The following GALNT11 variants were observed in gnomAD, a reference collection of about 807,000 sequenced individuals.
GALNT11 encodes the protein UDP-GalNAc:polypeptide N-acetylgalactosaminyltransferase 11.
In GALNT11, 47 loss-of-function variants were observed where a neutral mutation model predicts 72.7. The ratio of observed to expected loss-of-function variants is 0.65; its 90% CI spans 0.51 to 0.82. The LOEUF (loss-of-function observed/expected upper bound fraction) is 0.82, where lower values mean the gene tolerates loss of function less well. GALNT11 is among the 40% of genes least tolerant of loss of function. The pLI, the probability that GALNT11 is intolerant of heterozygous loss-of-function variation, is 0.00. For missense variants in GALNT11, 677 were observed against 778.4 expected (o/e 0.87, Z 1.55); for synonymous variants, 270 against 286.6 (o/e 0.94, Z 0.58).
At chr7:152,100,480 C>T (rs2086786654) in intron 2 of GALNT11, among the ~76,000 whole-genome samples, 1 of 151,638 alleles carries the variant, frequency 6.6e-6, no homozygotes, top group African/African-American at 2.4e-5. Context: ...GCAGGAGAAT[C>T]GCTTGAACCA....
chr7:152,094,491 A>G lies in GALNT11; in HGVS notation c.264A>G (p.Glu88=), dbSNP rs139026724. The G allele has an allele frequency of 2.1e-4, 332 of 1,612,208 alleles. 2 individuals are homozygous for G. The South Asian group carries it at 2.7e-3, about 13-fold the overall frequency. Residue 88 remains glutamate, a synonymous_variant, in exon 2 of 12, where the codon GAA becomes GAG. Transcript: ENST00000430044. This position sits in a 1 kb window ranked among gnomAD's most constrained non-coding sequence, Gnocchi z 4.3. ...TAGACAGTCGTGTTGAAGATCCAGA[A>G]GAAGGCCACTTGAAATTCTCTTCTG... ...DVIDSRVEDP[E]EGHLKFSSEL... is the part of the protein sequence containing the mutation.
rs6150397 is a variant in GALNT11 at position 152,113,712 on chromosome 7, C to CTTTTTTTTT, written c.1233+348_1233+356dup. Among the ~76,000 whole-genome samples the CTTTTTTTTT allele has an allele frequency of 1.1e-3, 111 of 96,984 alleles. 9 individuals carry two copies. The highest frequency in any genetic ancestry group is 1.7e-3 in the African/African-American group (36 of 21,780). The allele number at this position is 96,984 out of a possible 152,430, so 63.6% of individuals were successfully genotyped here. On this transcript the variant is annotated intron_variant, in intron 8 of 11. Coordinates refer to ENST00000430044, the MANE Select transcript of GALNT11 (RefSeq NM_022087.4). ...TGTGACGCCTGCAAAAGTTGGCTTT[C>CTTTTTTTTT]TTTTTTTTTTTTTTTTTTTTTTTTT...
intron 1 of GALNT11, among the ~76,000 whole-genome samples, chr7:152,055,559 G>A (rs71541733): frequency 3.3e-5 from 4 of 122,706 alleles, no homozygotes; most frequent in Non-Finnish European, 6.4e-5. Context: ...GTGTGTGTGT[G>A]TGTGTGTGTA....
intron 4 of GALNT11, chr7:152,104,104 G>A (rs764989552): frequency 3.3e-5 from 5 of 152,224 alleles, no homozygotes; most frequent in Non-Finnish European, 5.9e-5. Context: ...AGGATAGAAG[G>A]CTTTTTATTA....
intron 1 of GALNT11, among the ~76,000 whole-genome samples, chr7:152,029,077 C>G (rs564715725): frequency 1.3e-5 from 2 of 152,242 alleles, no homozygotes; most frequent in Admixed American, 1.3e-4. Flanking sequence ...GAAGCCTTTT[C>G]CTATAAATGT....
intron 1 of GALNT11, among the ~76,000 whole-genome samples, chr7:152,037,909 C>T (rs1401264108): frequency 6.6e-6 from 1 of 152,028 alleles, no homozygotes. Context: ...GCTGGGATTA[C>T]AGTTGCCCAC....
intron 1 of GALNT11, among the ~76,000 whole-genome samples, chr7:152,044,995 G>T (rs1007583774): frequency 1.3e-5 from 2 of 152,050 alleles, no homozygotes; most frequent in African/African-American, 4.8e-5. Context: ...TATCATGAAA[G>T]GATGTTTAAT....
Position 152,100,855 on chromosome 7 carries a change from C to T in GALNT11, c.353C>T (p.Ala118Val). 6.2e-7 allele frequency: 1 copy of T among 1,614,056 alleles called. No homozygotes were observed. Among genetic ancestry groups the T allele is most frequent in the Non-Finnish European group, 8.5e-7 (1 of 1,179,984 alleles). Residue 118 changes from alanine to valine, a missense_variant, in exon 3 of 12, where the codon GCT becomes GTT. Physicochemically the swap from Ala to Val is moderately conservative, Grantham distance 64. Transcript: ENST00000430044. ...AGAGACTTGGGCTATCAGAAACATGCTTTTAATATGCTTATCAGTGACCGC... is the reference window on the plus strand; with the variant it reads ...AGAGACTTGGGCTATCAGAAACATGTTTTTAATATGCTTATCAGTGACCGC... ...ELRDLGYQKHAFNMLISDRLG... is the reference protein window; with the variant it reads ...ELRDLGYQKHVFNMLISDRLG...
chr7:152,101,673 G>T (rs939115047), intron 3 of GALNT11, among the ~76,000 whole-genome samples: 2 of 147,270 alleles, frequency 1.4e-5, no homozygotes, highest in African/African-American at 5.1e-5. Context: ...TTTCTCTGTT[G>T]CCCAGGCTGG....
At chr7:152,036,383 C>T (rs763776072) in intron 1 of GALNT11, among the ~76,000 whole-genome samples, 15 of 152,146 alleles carry the variant, frequency 9.9e-5, no homozygotes, top group East Asian at 1.9e-4. Context: ...AACATAATGA[C>T]CTCCAGTTCT....
Position 152,094,614 on chromosome 7 carries a change from A to G in GALNT11, c.295+92A>G. On this transcript the variant is annotated intron_variant, in intron 2 of 11. Coordinates refer to ENST00000430044, the MANE Select transcript of GALNT11 (RefSeq NM_022087.4). This position sits in a 1 kb window ranked among gnomAD's most constrained non-coding sequence, Gnocchi z 4.3. ...TTAATTAGGAGATCAGAAATGCTGC[A>G]TCATTTTTTCCCCACTGATTTATTT... The G allele has an allele frequency of 7.2e-7, 1 of 1,388,022 alleles. No individual in the cohort carries two copies. Among genetic ancestry groups the G allele is most frequent in the Non-Finnish European group, 9.7e-7 (1 of 1,035,346 alleles). 86.0% of individuals were successfully genotyped at this position (1,388,022 alleles called of 1,614,324 possible).
intron 1 of GALNT11, among the ~76,000 whole-genome samples, chr7:152,028,084 T>C (rs180672538): frequency 6.6e-6 from 1 of 152,320 alleles, no homozygotes; most frequent in East Asian, 1.9e-4. Flanking sequence ...ATAAAGTTAG[T>C]GCAGACCCAA....
chr7:152,069,835 G>T (rs1212049101), intron 1 of GALNT11, among the ~76,000 whole-genome samples: 1 of 151,990 alleles, frequency 6.6e-6, no homozygotes, highest in African/African-American at 2.4e-5. Context: ...ATATAGTTAG[G>T]TCTTTTTAAA....
At chr7:152,112,128 G>A (rs569157545) in intron 7 of GALNT11, among the ~76,000 whole-genome samples, 1 of 152,282 alleles carries the variant, frequency 6.6e-6, no homozygotes, top group Non-Finnish European at 1.5e-5. Context: ...AAATATCCCA[G>A]TATTTCTCCC....
intron 1 of GALNT11, among the ~76,000 whole-genome samples, chr7:152,073,806 G>C (rs778764376): frequency 6.6e-6 from 1 of 152,042 alleles, no homozygotes; most frequent in Admixed American, 6.5e-5. Flanking sequence ...AGCATTTGTT[G>C]GTTTTGTTTT....
rs774271703 is a variant in GALNT11 at position 152,076,096 on chromosome 7, AGAG to A, written c.-38-18093_-38-18091del. On this transcript the variant is annotated intron_variant, in intron 1 of 11. Transcript: ENST00000430044. ...AAAAAAAAAAAAAAAAAAAAGAAGA[AGAG>A]AGAAAAGTTCATCGCTTTTTTAATG... is the stretch of plus-strand genomic sequence containing the variant. Among the ~76,000 whole-genome samples the A allele has an allele frequency of 3.5e-3, 515 of 147,614 alleles. 1 individual carries two copies. The highest frequency in any genetic ancestry group is 5.9e-3 in the Non-Finnish European group (394 of 67,158).
intron 1 of GALNT11, among the ~76,000 whole-genome samples, chr7:152,045,555 T>G (rs1177804350): frequency 6.6e-6 from 1 of 152,166 alleles, no homozygotes; most frequent in Non-Finnish European, 1.5e-5. Flanking sequence ...TCTCTAGGTT[T>G]TCCAATTTAT....
chr7:152,103,012 A>G, intron 3 of GALNT11, 100 bp from the exon 4 acceptor site: 5 of 1,064,138 alleles, frequency 4.7e-6, no homozygotes, highest in South Asian at 1.8e-5. Context: ...GGGGTGGGGG[A>G]AGAGGGTGAA....
chr7:152,111,512 T>C (rs1287349368), intron 7 of GALNT11, among the ~76,000 whole-genome samples: 1 of 152,140 alleles, frequency 6.6e-6, no homozygotes, highest in Non-Finnish European at 1.5e-5. Context: ...GTCTGGCTTT[T>C]AGTGCACTCA....
Sources: gnomAD v4.1 joint callset for allele counts (sites outside exome capture counted in the v4.1 genomes callset) on GRCh38, gnomAD v4.1.1 for gene constraint, Gnocchi (gnomAD v3.1) non-coding constraint, MANE v1.5 for transcripts, NCBI Gene and HGNC (gene_info 2026-07-23, HGNC 2026-07-21) for gene names.